The following OR2L13 variants were observed in gnomAD, a reference collection of about 807,000 sequenced individuals.
OR2L13 encodes the protein olfactory receptor family 2 subfamily L member 13, also known as olfactory receptor 2L13.
Under a neutral mutation model 15.3 loss-of-function variants are expected in OR2L13, and 14 were observed. That is an observed-to-expected ratio of 0.91 (90% confidence interval 0.60 to 1.43). The LOEUF (loss-of-function observed/expected upper bound fraction) is 1.43. OR2L13 is among the 40% of genes most tolerant of loss of function. The probability of loss-of-function intolerance (pLI) is 0.00; values close to 1 mark genes in which losing one functional copy is unlikely to be tolerated. For missense variants in OR2L13, 367 were observed against 387.9 expected, an observed-to-expected ratio of 0.95 and a Z score of 0.45; for synonymous variants, 152 against 142.9, an observed-to-expected ratio of 1.06 and a Z score of -0.45.
chr1:247,941,258 C>T, the OR2L13 span, among the ~76,000 whole-genome samples: 1 of 152,018 alleles, frequency 6.6e-6, no homozygotes, highest in Non-Finnish European at 1.5e-5. Context: ...TTAGTTAGGT[C>T]CTGCTCATCA....
chr1:247,993,260 C>T, the OR2L13 span, among the ~76,000 whole-genome samples: 1 of 151,232 alleles, frequency 6.6e-6, no homozygotes, highest in Non-Finnish European at 1.5e-5. Flanking sequence ...AACTTCCCTA[C>T]AGATTGTGGA....
the OR2L13 span, among the ~76,000 whole-genome samples, chr1:248,058,226 C>T: frequency 1.2e-3 from 180 of 152,320 alleles, no homozygotes; most frequent in African/African-American, 4.2e-3. Context: ...ACCCCAAAGG[C>T]AAGGACTTCA....
At chr1:247,993,787 G>GAA in the OR2L13 span, among the ~76,000 whole-genome samples, 1 of 135,714 alleles carries the variant, frequency 7.4e-6, no homozygotes, top group African/African-American at 3.7e-5. Context: ...GAGAGAGAGA[G>GAA]AGAGAGAGAG....
At chr1:248,093,036 C>T (rs147974019), upstream of OR2L13, among the ~76,000 whole-genome samples, 441 of 151,960 alleles carry the variant, frequency 2.9e-3, 1 homozygote, top group African/African-American at 9.3e-3. Flanking sequence ...GGCAGGAGCA[C>T]GGTCATTTCA....
At chr1:248,060,290 T>C in the OR2L13 span, among the ~76,000 whole-genome samples, 1 of 152,166 alleles carries the variant, frequency 6.6e-6, no homozygotes, top group Non-Finnish European at 1.5e-5. Flanking sequence ...GTAACAAATG[T>C]TGGTATCATC....
the OR2L13 span, chr1:248,060,621 C>G: frequency 7.2e-7 from 1 of 1,382,240 alleles, no homozygotes; most frequent in Non-Finnish European, 1.0e-6. Context: ...CAGATAAAGA[C>G]GAATTTCTGT....
At chr1:248,000,120 T>TGG in the OR2L13 span, among the ~76,000 whole-genome samples, 16 of 120,732 alleles carry the variant, frequency 1.3e-4, no homozygotes, top group African/African-American at 5.7e-4. Context: ...TTTTTTTTTT[T>TGG]TTGGTGTGTG....
At chr1:248,059,922 C>G in the OR2L13 span, among the ~76,000 whole-genome samples, 2 of 151,966 alleles carry the variant, frequency 1.3e-5, no homozygotes, top group Non-Finnish European at 2.9e-5. Context: ...TGGTCGTAGT[C>G]TCAGCTACTC....
the OR2L13 span, among the ~76,000 whole-genome samples, chr1:248,031,582 C>T: frequency 6.6e-6 from 1 of 152,024 alleles, no homozygotes. Flanking sequence ...ATTTTCTATC[C>T]AATGGTCTGG....
the OR2L13 span, chr1:248,003,492 G>T: frequency 1.2e-6 from 2 of 1,611,170 alleles, no homozygotes; most frequent in Non-Finnish European, 1.7e-6. Flanking sequence ...GCCTATGTTC[G>T]TTGCATTGCT....
chr1:247,972,020 C>G, the OR2L13 span, among the ~76,000 whole-genome samples: 1 of 152,154 alleles, frequency 6.6e-6, no homozygotes, highest in South Asian at 2.1e-4. Context: ...TGAATGAATA[C>G]TGGGTAAATA....
chr1:248,026,133 T>C, the OR2L13 span, among the ~76,000 whole-genome samples: 2 of 152,150 alleles, frequency 1.3e-5, no homozygotes, highest in Non-Finnish European at 2.9e-5. Flanking sequence ...CAAATATAAG[T>C]GTGTCTATGT....
the OR2L13 span, among the ~76,000 whole-genome samples, chr1:247,943,836 G>T: frequency 7.0e-3 from 1,062 of 151,984 alleles, 14 homozygotes; most frequent in African/African-American, 0.024. Context: ...TTAGATTTTT[G>T]ATTCATTTTG....
chr1:247,954,933 A>T, the OR2L13 span, among the ~76,000 whole-genome samples: 2 of 145,218 alleles, frequency 1.4e-5, no homozygotes, highest in African/African-American at 4.9e-5. Context: ...TTTGCCATTC[A>T]TTCATTCATT....
At chr1:247,968,865 T>G in the OR2L13 span, among the ~76,000 whole-genome samples, 1 of 152,100 alleles carries the variant, frequency 6.6e-6, no homozygotes, top group East Asian at 1.9e-4. Context: ...TACCCAGTAA[T>G]GGGATGGCTG....
the OR2L13 span, among the ~76,000 whole-genome samples, chr1:248,032,276 A>G: frequency 6.6e-6 from 1 of 152,190 alleles, no homozygotes; most frequent in African/African-American, 2.4e-5. Flanking sequence ...GAATAATTTC[A>G]GTATATTTAA....
chr1:248,016,701 T>C, the OR2L13 span, among the ~76,000 whole-genome samples: 1 of 151,930 alleles, frequency 6.6e-6, no homozygotes, highest in Non-Finnish European at 1.5e-5. Flanking sequence ...TTTTTAAACG[T>C]GTATATAAAT....
the OR2L13 span, chr1:248,039,224 G>A: frequency 6.3e-7 from 1 of 1,586,034 alleles, no homozygotes; most frequent in Non-Finnish European, 8.6e-7. Context: ...TTCTGTGTTA[G>A]AGTCAAAGCG....
the OR2L13 span, chr1:247,966,000 A>G: frequency 1.4e-3 from 2,222 of 1,612,744 alleles, 27 homozygotes; most frequent in African/African-American, 0.023. Flanking sequence ...TTATCTTGCT[A>G]CTACCATTCC....
Sources: allele counts gnomAD v4.1 joint callset (sites outside exome capture counted in the v4.1 genomes callset), GRCh38; gene constraint gnomAD v4.1.1; transcripts MANE v1.5; gene names NCBI Gene and HGNC (gene_info 2026-07-23, HGNC 2026-07-21).